TMX1: variants seen among roughly 807,000 people sequenced by gnomAD.
TMX1 encodes the protein thioredoxin-related transmembrane protein 1.
TMX1 carries 25 observed loss-of-function variants against 36.6 expected under a neutral mutation model. That is an observed-to-expected ratio of 0.68 (90% CI 0.50 to 0.95). TMX1 has a LOEUF of 0.95. Ranked by LOEUF, TMX1 falls within the 40% of genes least tolerant of loss-of-function variation. TMX1 has a pLI of 0.00. For synonymous variants in TMX1, 133 were observed against 118.0 expected, an observed-to-expected ratio of 1.13 and a Z score of -0.82; for missense variants, 347 against 339.6, an observed-to-expected ratio of 1.02 and a Z score of -0.17.
At chr14:51,240,550 T>TGCGGAGCG in intron 1 of TMX1, 106 bp downstream of exon 1, 2 of 1,449,204 alleles carry the variant, frequency 1.4e-6, no homozygotes. Context: ...GCCTCCGAGT[T>TGCGGAGCG]GCGGAGCGAG....
chr14:51,249,620 A>G (rs745685506), intron 6 of TMX1, 51 bp downstream of exon 6: 1 of 1,594,476 alleles, frequency 6.3e-7, no homozygotes, highest in African/African-American at 1.3e-5. Flanking sequence ...TAAAAATGTG[A>G]TTATTTAAAA....
Position 51,254,579 on chromosome 14 carries a change from TGTTTG to T in TMX1, c.*66_*70del. The T allele has an allele frequency of 6.0e-6, 9 of 1,498,050 alleles. No individual in the cohort carries two copies. The highest frequency in any genetic ancestry group is 7.2e-6 in the Non-Finnish European group (8 of 1,112,352). 92.8% of individuals were successfully genotyped at this position (1,498,050 alleles called of 1,614,324 possible). Reference sequence around the variant, plus strand: ...GATAAAAACAGAAGATTGATCATTTTGTTTGGTTTGAAGTGAACTGTGACTTTTTT... The same window carrying T: ...GATAAAAACAGAAGATTGATCATTTTGTTTGAAGTGAACTGTGACTTTTTT... On this transcript the variant is annotated 3_prime_UTR_variant, in exon 8 of 8. Transcript: ENST00000457354.
In TMX1 at chr14:51,243,825, C is replaced by CTT. The variant is rs35057544; in HGVS notation, c.153-25_153-24dup. On this transcript the variant is annotated intron_variant, in intron 1 of 7. Transcript: ENST00000457354. ...TAAATGGTCATACTAAAGTGCTTAA[C>CTT]TTTTTTTAAAAAAAAATCTGTATTT... is the stretch of plus-strand genomic sequence containing the variant. The CTT allele has an allele frequency of 5.9e-6, 9 of 1,524,284 alleles. No individual in the cohort carries two copies. The South Asian group carries it at 7.8e-5, about 13-fold the overall frequency. The allele number at this position is 1,524,284 out of a possible 1,614,324, so 94.4% of individuals were successfully genotyped here. A position where few individuals can be genotyped will look rare whatever the true frequency, so the allele number is the denominator to read the frequency against.
intron 7 of TMX1, among the ~76,000 whole-genome samples, chr14:51,251,547 TA>T (rs1274669863): frequency 6.6e-6 from 1 of 152,206 alleles, no homozygotes; most frequent in Non-Finnish European, 1.5e-5. Context: ...TTGGATCCCA[TA>T]AATGTACCAA....
At chr14:51,254,227 A>G (rs2065827995) in intron 7 of TMX1, 114 bp from the exon 8 acceptor site, 9 of 781,262 alleles carry the variant, frequency 1.2e-5, no homozygotes, top group South Asian at 7.2e-5. Context: ...ACATCCAAAC[A>G]TGATAAATTT....
chr14:51,243,847 A>G lies in TMX1; in HGVS notation c.153-9A>G, dbSNP rs1474025245. Reference sequence around the variant, plus strand: ...TAACTTTTTTTAAAAAAAAATCTGTATTTCTTAGTTATGCCCCGTGGTGCC... The same window carrying G: ...TAACTTTTTTTAAAAAAAAATCTGTGTTTCTTAGTTATGCCCCGTGGTGCC... On this transcript the variant is annotated splice_polypyrimidine_tract_variant and intron_variant, in intron 1 of 7. Transcript: ENST00000457354. The G allele has an allele frequency of 3.2e-6, 5 of 1,583,122 alleles. No homozygotes were observed. Among genetic ancestry groups the G allele is most frequent in the Non-Finnish European group, 4.3e-6 (5 of 1,167,830 alleles).
rs2065773733 is a variant in TMX1 at position 51,243,918 on chromosome 14, G to A, written c.215G>A (p.Trp72Ter). 1 of 1,612,566 alleles carries A rather than the reference G, an allele frequency of 6.2e-7. No individual in the cohort carries two copies. The highest frequency in any genetic ancestry group is 1.3e-5 in the African/African-American group (1 of 74,872). Residue 72 changes from tryptophan (W) to a stop codon, truncating the protein, a stop_gained, in exon 2 of 8, where the codon TGG becomes TAG. Transcript: ENST00000457354. LOFTEE classifies it high-confidence loss of function. The part of the protein sequence containing the change: ...LQPEWESFAE[W>*]GEDLEVNIAK... ...CCGGAATGGGAAAGTTTTGCTGAAT[G>A]GGGAGAAGATCTTGAGGTTAATATT...
rs183321283 is a variant in TMX1, at chr14:51,252,940, T to C, written c.665-1401T>C. ...GTTTAGAATTTTTTATTTTTTATTT[T>C]TCTAGTTTTTTTCTGCTCACAAGGA... On this transcript the variant is annotated intron_variant, in intron 7 of 7. Transcript: ENST00000457354. 2.7e-3 allele frequency among the ~76,000 whole-genome samples: 409 copies of C among 152,322 alleles called. 1 individual carries two copies. Among genetic ancestry groups the C allele is most frequent in the African/African-American group, 9.4e-3 (390 of 41,558 alleles).
At chr14:51,240,543 T>C (rs2065755606) in intron 1 of TMX1, 99 bp downstream of exon 1, 1 of 1,467,520 alleles carries the variant, frequency 6.8e-7, no homozygotes, top group African/African-American at 1.4e-5. Context: ...GGACTGCGCC[T>C]CCGAGTTGCG....
At position 51,254,657 on chromosome 14, in the gene TMX1, C is replaced by T; in HGVS notation, c.*138C>T. The T allele has an allele frequency of 2.9e-6, 2 of 699,048 alleles. No individual in the cohort carries two copies. Among genetic ancestry groups the T allele is most frequent in the Non-Finnish European group, 4.5e-6 (2 of 441,788 alleles). 43.3% of individuals were successfully genotyped at this position (699,048 alleles called of 1,614,324 possible). A position where few individuals can be genotyped will look rare whatever the true frequency, so the allele number is the denominator to read the frequency against. Reference sequence around the variant, plus strand: ...GATTGTCATTAAATTGAAGAGTCTACATTCAGAACATAAAAGCACTAGGTA... The same window carrying T: ...GATTGTCATTAAATTGAAGAGTCTATATTCAGAACATAAAAGCACTAGGTA... On this transcript the variant is annotated 3_prime_UTR_variant, in exon 8 of 8. Transcript: ENST00000457354.
At chr14:51,241,270 A>T (rs2065759554) in intron 1 of TMX1, among the ~76,000 whole-genome samples, 5 of 152,210 alleles carry the variant, frequency 3.3e-5, no homozygotes, top group Admixed American at 3.3e-4. Flanking sequence ...TGGGAAATAA[A>T]GTATCTGTCT....
chr14:51,240,391 C>T lies in TMX1; in HGVS notation c.99C>T (p.Val33=). The T allele has an allele frequency of 1.2e-6, 2 of 1,614,052 alleles. No individual in the cohort carries two copies. The highest frequency in any genetic ancestry group is 1.7e-6 in the Non-Finnish European group (2 of 1,180,020). The change falls in exon 1 of 8, where the codon GTC becomes GTT. Residue 33 remains valine (V), a synonymous_variant. Coordinates refer to ENST00000457354, the MANE Select transcript of TMX1 (RefSeq NM_030755.5). ...WTHGRRSNVR[V]ITDENWRELL... ...ACGGGCGGCGGAGCAACGTTCGCGT[C>T]ATCACGGACGAGAACTGGAGAGAAC...
At chr14:51,243,185 AGAG>A (rs1347116011) in intron 1 of TMX1, among the ~76,000 whole-genome samples, 2 of 152,152 alleles carry the variant, frequency 1.3e-5, no homozygotes, top group Admixed American at 1.3e-4. Context: ...AGATAATACC[AGAG>A]GAGTAATTTA....
intron 7 of TMX1, among the ~76,000 whole-genome samples, chr14:51,252,903 T>C (rs1188247159): frequency 6.6e-6 from 1 of 152,228 alleles, no homozygotes; most frequent in East Asian, 1.9e-4. Flanking sequence ...CTTGTTCAAT[T>C]CTCAGTTGAG....
chr14:51,241,151 A>G (rs1455205858), intron 1 of TMX1, among the ~76,000 whole-genome samples: 2 of 152,178 alleles, frequency 1.3e-5, no homozygotes, highest in African/African-American at 4.8e-5. Context: ...TTAAAAGATA[A>G]TGTATTAATG....
chr14:51,253,811 A>C (rs1356421842), intron 7 of TMX1: 1 of 152,306 alleles, frequency 6.6e-6, no homozygotes, highest in Non-Finnish European at 1.5e-5. Flanking sequence ...ACAGAAATAC[A>C]ACCTTCAACT....
At position 51,254,500 on chromosome 14, in the gene TMX1, T is replaced by C. The variant is rs1474797605; in HGVS notation, c.824T>C (p.Leu275Ser). The change falls in exon 8 of 8, where the codon TTG (leucine) becomes TCG (serine). Residue 275 changes from leucine (L) to serine (S), a missense_variant. Physicochemically the swap from Leu to Ser is moderately radical, Grantham distance 145 (BLOSUM62 -2). Coordinates refer to ENST00000457354, the MANE Select transcript of TMX1 (RefSeq NM_030755.5). ...AGACAACGCTCTCTGGGTCCATCATTGGCCACAGATAAATCCTAGTTAAAT... is the reference window on the plus strand; with the variant it reads ...AGACAACGCTCTCTGGGTCCATCATCGGCCACAGATAAATCCTAGTTAAAT... ...AIRQRSLGPSLATDKS is the reference protein window; with the variant it reads ...AIRQRSLGPSSATDKS 6.3e-7 allele frequency: 1 copy of C among 1,598,028 alleles called. No individual in the cohort carries two copies. Among genetic ancestry groups the C allele is most frequent in the Non-Finnish European group, 8.5e-7 (1 of 1,176,094 alleles).
At chr14:51,246,755 A>G (rs929509035) in intron 3 of TMX1, among the ~76,000 whole-genome samples, 4 of 152,238 alleles carry the variant, frequency 2.6e-5, no homozygotes, top group Admixed American at 6.5e-5. Flanking sequence ...CACTATTCTA[A>G]TAATTTTTAT....
intron 4 of TMX1, among the ~76,000 whole-genome samples, chr14:51,249,029 CAG>C (rs978656336): frequency 1.8e-4 from 27 of 152,062 alleles, no homozygotes; most frequent in Non-Finnish European, 3.7e-4. Flanking sequence ...ACCCTTTACT[CAG>C]TGTATTGGAG....
Sources: gnomAD v4.1 joint callset for allele counts (sites outside exome capture counted in the v4.1 genomes callset) on GRCh38, gnomAD v4.1.1 for gene constraint, MANE v1.5 for transcripts, NCBI Gene and HGNC (gene_info 2026-07-23, HGNC 2026-07-21) for gene names.